LAPTM4B: variants seen among roughly 807,000 people sequenced by gnomAD.
LAPTM4B encodes the protein lysosomal protein transmembrane 4 beta.
LAPTM4B carries 26 observed loss-of-function variants against 28.5 expected under a neutral mutation model. The ratio of observed to expected loss-of-function variants is 0.91; its 90% CI spans 0.67 to 1.27. The LOEUF is 1.27. Among genes scored for constraint, LAPTM4B ranks in the 50% most tolerant of loss-of-function variants. The pLI is 0.00. For missense variants in LAPTM4B, 288 were observed against 285.8 expected (o/e 1.01, Z -0.06); for synonymous variants, 109 against 106.4 (o/e 1.02, Z -0.15).
intron 4 of LAPTM4B, among the ~76,000 whole-genome samples, chr8:97,817,398 A>T (rs1816936686): frequency 6.6e-6 from 1 of 150,626 alleles, no homozygotes; most frequent in Admixed American, 6.6e-5. Flanking sequence ...TTGGCCTCCC[A>T]AAGTGCTGGC....
intron 1 of LAPTM4B, among the ~76,000 whole-genome samples, chr8:97,777,137 GTTTTTTTTTT>G (rs1176218610): frequency 3.1e-4 from 26 of 83,852 alleles, no homozygotes; most frequent in African/African-American, 1.1e-3. Flanking sequence ...TTTCAGTGAG[GTTTTTTTTTT>G]TTTTTTTTTT....
intron 1 of LAPTM4B, among the ~76,000 whole-genome samples, chr8:97,779,742 A>G (rs1175976997): frequency 6.6e-6 from 1 of 151,142 alleles, no homozygotes; most frequent in Non-Finnish European, 1.5e-5. Flanking sequence ...GGTGACAGCA[A>G]GACTCTTATC....
intron 1 of LAPTM4B, among the ~76,000 whole-genome samples, chr8:97,792,776 C>T (rs1473155537): frequency 6.6e-6 from 1 of 152,022 alleles, no homozygotes; most frequent in Non-Finnish European, 1.5e-5. Context: ...GAGGATTTCA[C>T]CATGTTGGCC....
intron 5 of LAPTM4B, among the ~76,000 whole-genome samples, chr8:97,823,321 G>A (rs541750954): frequency 6.0e-5 from 9 of 150,438 alleles, no homozygotes; most frequent in Middle Eastern, 3.4e-3. Flanking sequence ...CATTCCATGC[G>A]AATACAATCA....
At chr8:97,800,307 A>G (rs75179135) in intron 1 of LAPTM4B, among the ~76,000 whole-genome samples, 4,157 of 152,178 alleles carry the variant, frequency 0.027, 186 homozygotes, top group African/African-American at 0.096. Context: ...TAGAAGATCT[A>G]GAAAACTAGT....
At chr8:97,809,185 G>A (rs1443334891) in intron 2 of LAPTM4B, among the ~76,000 whole-genome samples, 1 of 152,120 alleles carries the variant, frequency 6.6e-6, no homozygotes, top group East Asian at 1.9e-4. Context: ...ATTAGAATAA[G>A]GCATGCAGTG....
chr8:97,834,409 G>A (rs1817230813), intron 6 of LAPTM4B, among the ~76,000 whole-genome samples: 1 of 152,142 alleles, frequency 6.6e-6, no homozygotes, highest in South Asian at 2.1e-4. Flanking sequence ...CCTGTTTTCA[G>A]TCTTTCAAAG....
chr8:97,844,253 C>T (rs1817396590), intron 6 of LAPTM4B, among the ~76,000 whole-genome samples: 1 of 152,044 alleles, frequency 6.6e-6, no homozygotes, highest in Non-Finnish European at 1.5e-5. Flanking sequence ...CCACCACACC[C>T]AGCTAATTTT....
intron 1 of LAPTM4B, chr8:97,788,235 T>A: frequency 3.1e-6 from 1 of 322,842 alleles, no homozygotes; most frequent in Non-Finnish European, 6.2e-6. Context: ...TCTTCTCCAG[T>A]GTCTCCTTTT....
intron 2 of LAPTM4B, among the ~76,000 whole-genome samples, chr8:97,812,342 C>G (rs920186510): frequency 6.6e-6 from 1 of 151,472 alleles, no homozygotes; most frequent in African/African-American, 2.4e-5. Flanking sequence ...GCCTTGGCCT[C>G]CCGAGTAGCT....
At chr8:97,818,024 G>T (rs1563613397) in intron 4 of LAPTM4B, among the ~76,000 whole-genome samples, 1 of 152,144 alleles carries the variant, frequency 6.6e-6, no homozygotes, top group Non-Finnish European at 1.5e-5. Context: ...TGTTGTCCAG[G>T]CTGGTCTCAA....
chr8:97,777,532 C>CT (rs1385798916), intron 1 of LAPTM4B, among the ~76,000 whole-genome samples: 11 of 152,084 alleles, frequency 7.2e-5, no homozygotes, highest in Admixed American at 4.6e-4. Flanking sequence ...AGAATATGGA[C>CT]TTTTTGTCTA....
chr8:97,776,595 C>T (rs1816221121), intron 1 of LAPTM4B, among the ~76,000 whole-genome samples: 1 of 152,202 alleles, frequency 6.6e-6, no homozygotes, highest in African/African-American at 2.4e-5. Flanking sequence ...TCCCTGGCCG[C>T]GTCTCCGCTA....
intron 2 of LAPTM4B, among the ~76,000 whole-genome samples, chr8:97,808,804 C>CA (rs1345323612): frequency 2.6e-5 from 4 of 151,620 alleles, no homozygotes; most frequent in Non-Finnish European, 4.4e-5. Context: ...ACTAAAAATA[C>CA]AAAAAAAGTA....
At chr8:97,785,348 GGC>G (rs1437429586) in intron 1 of LAPTM4B, among the ~76,000 whole-genome samples, 1 of 152,170 alleles carries the variant, frequency 6.6e-6, no homozygotes, top group Non-Finnish European at 1.5e-5. Flanking sequence ...TGGGATTGCA[GGC>G]CTGAGCCTCT....
intron 1 of LAPTM4B, among the ~76,000 whole-genome samples, chr8:97,802,325 G>T (rs1816695713): frequency 6.6e-6 from 1 of 152,142 alleles, no homozygotes; most frequent in South Asian, 2.1e-4. Flanking sequence ...TCCAGGAAAG[G>T]GGTGGGCAAT....
intron 2 of LAPTM4B, among the ~76,000 whole-genome samples, chr8:97,811,897 ATG>A (rs1367656617): frequency 4.0e-5 from 6 of 151,020 alleles, no homozygotes; most frequent in African/African-American, 1.5e-4. Flanking sequence ...CCTCTGCCTC[ATG>A]GGCTCAAGCA....
chr8:97,823,344 G>GTTTTTTTTTTTTTTTTTTTTTTT (rs10561869), intron 5 of LAPTM4B, among the ~76,000 whole-genome samples: 2 of 109,328 alleles, frequency 1.8e-5, no homozygotes, highest in Non-Finnish European at 4.0e-5. Context: ...ATACAATATG[G>GTTTTTTTTTTTTTTTTTTTTTTT]TTTTTTTTTT....
intron 1 of LAPTM4B, among the ~76,000 whole-genome samples, chr8:97,785,068 A>G (rs927008851): frequency 6.6e-6 from 1 of 151,886 alleles, no homozygotes; most frequent in African/African-American, 2.4e-5. Flanking sequence ...GTGGTATTCA[A>G]TATCTTTTTA....
Sources: allele counts gnomAD v4.1 joint callset (sites outside exome capture counted in the v4.1 genomes callset), GRCh38; gene constraint gnomAD v4.1.1; transcripts MANE v1.5; gene names NCBI Gene and HGNC (gene_info 2026-07-23, HGNC 2026-07-21).